The following USP45 variants were observed in gnomAD, a reference collection of about 807,000 sequenced individuals.
USP45 encodes the protein ubiquitin specific peptidase 45, also known as ubiquitin carboxyl-terminal hydrolase 45.
USP45 carries 89 observed loss-of-function variants against 95.8 expected under a neutral mutation model. The ratio of observed to expected loss-of-function variants is 0.93; its 90% CI spans 0.78 to 1.11. The LOEUF is 1.11. Among genes scored for constraint, USP45 ranks in the 50% least tolerant of loss-of-function variants. The pLI is 0.00. For missense variants in USP45, 898 were observed against 942.5 expected (o/e 0.95, Z 0.62); for synonymous variants, 281 against 316.2 (o/e 0.89, Z 1.18).
intron 5 of USP45, among the ~76,000 whole-genome samples, chr6:99,499,132 T>C (rs900195172): frequency 2.0e-5 from 3 of 152,152 alleles, no homozygotes; most frequent in Non-Finnish European, 4.4e-5. Context: ...AAAGAATTAA[T>C]GACATGCTTT....
Position 99,443,580 on chromosome 6 carries a change from C to T in USP45, c.2058G>A (p.Leu686=). Residue 686 remains leucine, a synonymous_variant, in exon 15 of 18, where the codon CTG becomes CTA. Transcript: ENST00000500704. The part of the protein sequence containing the change: ...SAVPAVLILH[L]KRFHQAGLSL... ...AGAAACTTACCTGATGAAATCTTTT[C>T]AGGTGGAGAATTAGGACAGCTGGAA... The T allele has an allele frequency of 6.2e-7, 1 of 1,607,638 alleles. No individual in the cohort carries two copies. The highest frequency in any genetic ancestry group is 8.5e-7 in the Non-Finnish European group (1 of 1,176,412).
At chr6:99,510,302 T>C in intron 1 of USP45, 72 bp from the exon 2 acceptor site, 2 of 1,087,938 alleles carry the variant, frequency 1.8e-6, no homozygotes, top group Non-Finnish European at 2.7e-6. Context: ...TTATTTAATG[T>C]GTATTAAAAC....
At chr6:99,436,276 G>C (rs543965455) in intron 17 of USP45, among the ~76,000 whole-genome samples, 15 of 152,200 alleles carry the variant, frequency 9.9e-5, no homozygotes, top group Middle Eastern at 3.4e-3. Flanking sequence ...GTCTGGCCCA[G>C]CGCAGTGGCT....
chr6:99,478,682 A>T (rs1481682960), intron 8 of USP45, among the ~76,000 whole-genome samples: 1 of 152,194 alleles, frequency 6.6e-6, no homozygotes, highest in Admixed American at 6.5e-5. Flanking sequence ...GCCATAAAAA[A>T]GAACAAAATC....
chr6:99,434,758 T>C lies in USP45; in HGVS notation c.*958A>G, dbSNP rs965475923. 2 of 152,208 alleles carry C rather than the reference T, an allele frequency of 1.3e-5. No homozygotes were observed. The highest frequency in any genetic ancestry group is 2.9e-5 in the Non-Finnish European group (2 of 68,014). The allele number at this position is 152,208 out of a possible 1,614,324, so 9.4% of individuals were successfully genotyped here. A position where few individuals can be genotyped will look rare whatever the true frequency, so the allele number is the denominator to read the frequency against. On this transcript the variant is annotated 3_prime_UTR_variant, in exon 18 of 18. Transcript: ENST00000500704. ...TTTCTGTTAAGAATATAATTCTCTA[T>C]CATTTACAAATATAATTTGGTAATT...
chr6:99,457,283 C>A (rs977390018), intron 13 of USP45, among the ~76,000 whole-genome samples: 4 of 152,164 alleles, frequency 2.6e-5, no homozygotes, highest in Non-Finnish European at 5.9e-5. Context: ...CCTATTTGCA[C>A]ACTCCCTCCC....
chr6:99,462,307 T>G (rs920798248), intron 13 of USP45: 2 of 985,118 alleles, frequency 2.0e-6, no homozygotes, highest in African/African-American at 3.5e-5. Flanking sequence ...ATATCATATA[T>G]GCATATTCTC....
chr6:99,462,409 C>A (rs2128618290), intron 13 of USP45: 3 of 984,128 alleles, frequency 3.0e-6, no homozygotes, highest in Non-Finnish European at 3.6e-6. Flanking sequence ...CACAGAATCT[C>A]CTAACTCTTT....
chr6:99,436,783 C>T (rs1470122049), intron 17 of USP45, among the ~76,000 whole-genome samples: 1 of 152,076 alleles, frequency 6.6e-6, no homozygotes, highest in African/African-American at 2.4e-5. Flanking sequence ...TTTCTAGGCA[C>T]TCCTAGAGGG....
At position 99,446,349 on chromosome 6, in the gene USP45, G is replaced by A. The variant is rs762360957; in HGVS notation, c.1423C>T (p.Leu475Phe). Residue 475 changes from leucine to phenylalanine, a missense_variant, in exon 14 of 18, where the codon CTC becomes TTC. Physicochemically the swap from Leu to Phe is conservative, Grantham distance 22. Coordinates refer to ENST00000500704, the MANE Select transcript of USP45 (RefSeq NM_001346022.3). ...TTCAGACGTGACTCAGAATTCATGA[G>A]GCTGGCAAACATTAAAGAATCCCCA... ...MNGDSLMFAS[L>F]MNSESRLNES... The A allele has an allele frequency of 6.2e-7, 1 of 1,614,150 alleles. No homozygotes were observed. Among genetic ancestry groups the A allele is most frequent in the Non-Finnish European group, 8.5e-7 (1 of 1,180,020 alleles).
chr6:99,474,744 G>A (rs1437509051), intron 9 of USP45, among the ~76,000 whole-genome samples: 2 of 152,148 alleles, frequency 1.3e-5, no homozygotes, highest in Admixed American at 6.5e-5. Flanking sequence ...TGTTAGGAAC[G>A]ATCAGCAATG....
chr6:99,447,895 G>A (rs983095413), intron 13 of USP45, among the ~76,000 whole-genome samples: 12 of 152,184 alleles, frequency 7.9e-5, no homozygotes, highest in Admixed American at 2.0e-4. Flanking sequence ...AGCAATATTC[G>A]CTGTTCTGCA....
chr6:99,457,605 T>C lies in USP45; in HGVS notation c.1308+6999A>G, dbSNP rs141169654. ...GAAAATTAATGGTCAATGGAAAATA[T>C]AGACCCATACAGGTTTTTAGTAACT... is the stretch of plus-strand genomic sequence containing the variant. On this transcript the variant is annotated intron_variant, in intron 13 of 17. Transcript: ENST00000500704. Among the ~76,000 whole-genome samples the C allele has an allele frequency of 9.2e-5, 14 of 152,316 alleles. No homozygotes were observed. In the East Asian group the frequency reaches 2.3e-3, roughly 25 times the overall value.
intron 5 of USP45, among the ~76,000 whole-genome samples, chr6:99,496,929 C>G (rs551133111): frequency 1.3e-5 from 2 of 152,202 alleles, no homozygotes; most frequent in African/African-American, 4.8e-5. Context: ...ACTGACACAT[C>G]ATTATCACCT....
At chr6:99,511,318 A>AT (rs1010647896) in intron 1 of USP45, among the ~76,000 whole-genome samples, 3 of 150,700 alleles carry the variant, frequency 2.0e-5, no homozygotes, top group South Asian at 2.1e-4. Flanking sequence ...GGCTTGGCTA[A>AT]TTTTTTTTGC....
chr6:99,452,171 T>C (rs980102811), intron 13 of USP45, among the ~76,000 whole-genome samples: 1 of 152,120 alleles, frequency 6.6e-6, no homozygotes, highest in African/African-American at 2.4e-5. Flanking sequence ...AAAGCCAAAA[T>C]TGACAAATGG....
intron 8 of USP45, among the ~76,000 whole-genome samples, chr6:99,477,679 A>G (rs35430913): frequency 0.15 from 22,328 of 152,168 alleles, 2,357 homozygotes; most frequent in Non-Finnish European, 0.21. Flanking sequence ...TAATACAAAG[A>G]AAGTGAGTCC....
At chr6:99,476,483 C>T (rs745336087) in intron 8 of USP45, among the ~76,000 whole-genome samples, 1 of 152,196 alleles carries the variant, frequency 6.6e-6, no homozygotes, top group African/African-American at 2.4e-5. Flanking sequence ...CATAAAGACA[C>T]AGTTTACTAC....
At chr6:99,502,061 G>A (rs1285047861) in intron 5 of USP45, 1 of 1,263,238 alleles carries the variant, frequency 7.9e-7, no homozygotes, top group East Asian at 5.7e-5. Context: ...TAGAGACTGA[G>A]TTAAATCAAT....
Sources: allele counts gnomAD v4.1 joint callset (sites outside exome capture counted in the v4.1 genomes callset), GRCh38; gene constraint gnomAD v4.1.1; transcripts MANE v1.5; gene names NCBI Gene and HGNC (gene_info 2026-07-23, HGNC 2026-07-21).